The following CDH23 variants were observed in gnomAD, a reference collection of about 807,000 sequenced individuals.
CDH23 encodes cadherin related 23.
CDH23 carries 189 observed loss-of-function variants against 317.1 expected under a neutral mutation model. The observed-to-expected ratio is 0.60, with a 90% confidence interval of 0.53 to 0.67. CDH23 has a LOEUF of 0.67. Among genes scored for constraint, CDH23 ranks in the 30% least tolerant of loss-of-function variants. The pLI is 0.00. For missense variants in CDH23, 4,401 were observed against 4,592.4 expected, an observed-to-expected ratio of 0.96 and a Z score of 1.20; for synonymous variants, 1,839 against 1,876.8, an observed-to-expected ratio of 0.98 and a Z score of 0.52.
intron 38 of CDH23, among the ~76,000 whole-genome samples, chr10:71,770,775 G>A (rs557735928): frequency 6.6e-6 from 1 of 152,324 alleles, no homozygotes; most frequent in South Asian, 2.1e-4. Flanking sequence ...CTCCCAGGAA[G>A]GTCAGACCCC....
chr10:71,716,478 G>A (rs111295771), intron 28 of CDH23: 22 of 660,180 alleles, frequency 3.3e-5, no homozygotes, highest in African/African-American at 3.0e-4. Flanking sequence ...CCACATCACA[G>A]GTTAAGACAG....
Position 71,652,176 on chromosome 10 carries a change from C to G in CDH23, c.1449+5559C>G, listed in dbSNP as rs974185368. 3.3e-5 allele frequency among the ~76,000 whole-genome samples: 5 copies of G among 152,304 alleles called. No individual in the cohort carries two copies. The East Asian group carries it at 5.8e-4, about 18-fold the overall frequency. On this transcript the variant is annotated intron_variant, in intron 14 of 69. Transcript: ENST00000224721. The stretch of plus-strand genomic sequence containing the variant: ...CTGAGCCGTGGGTAGAGCTCCACCT[C>G]TCAGCTCCAGACAGACAGGGCTGGC...
At position 71,482,371 on chromosome 10, in the gene CDH23, AC is replaced by A. The variant is rs567215564; in HGVS notation, c.146-27707del. Among the ~76,000 whole-genome samples the A allele has an allele frequency of 3.1e-3, 472 of 152,020 alleles. 4 individuals carry two copies. The highest frequency in any genetic ancestry group is 0.011 in the African/African-American group (444 of 41,432). ...AGGTCCCAGAATCCCTTGCAGGTCTACCCCTCCCCACCTACCTGGACCCCTG... is the reference window on the plus strand; with the variant it reads ...AGGTCCCAGAATCCCTTGCAGGTCTACCCTCCCCACCTACCTGGACCCCTG... On this transcript the variant is annotated intron_variant, in intron 3 of 69. Transcript: ENST00000224721.
intron 9 of CDH23, among the ~76,000 whole-genome samples, chr10:71,611,234 G>GAGGC (rs1286355436): frequency 6.6e-6 from 1 of 152,200 alleles, no homozygotes; most frequent in African/African-American, 2.4e-5. Flanking sequence ...TGAAGGGAGC[G>GAGGC]AGGCAGGGAT....
At position 71,694,258 on chromosome 10, in the gene CDH23, C is replaced by A; in HGVS notation, c.2288C>A (p.Thr763Asn). ...CACAACCAGAAAACTGGCATCGCCA[C>A]CGTGAGTGCGCTCCCCTCCCGTGCC... is the stretch of plus-strand genomic sequence containing the variant. ...VGHNQKTGIA[T>N]VNITLLDIND... Residue 763 changes from threonine to asparagine, a missense_variant and splice_region_variant, in exon 21 of 70, where the codon ACC (threonine) becomes AAC (asparagine). Coordinates refer to ENST00000224721, the MANE Select transcript of CDH23 (RefSeq NM_022124.6). 1 of 1,609,790 alleles carries A rather than the reference C, an allele frequency of 6.2e-7. No individual in the cohort carries two copies. Among genetic ancestry groups the A allele is most frequent in the South Asian group, 1.1e-5 (1 of 90,910 alleles).
At position 71,646,503 on chromosome 10, in the gene CDH23, G is replaced by A. The variant is rs917558716; in HGVS notation, c.1335G>A (p.Lys445=). 1 of 1,613,982 alleles carries A rather than the reference G, an allele frequency of 6.2e-7. No homozygotes were observed. ...ESVPDHVGYA[K]VKITLINEND... ...TGCCTGACCATGTGGGCTATGCCAA[G>A]GTGAAGATCACTCTCATCAATGAAA... The change falls in exon 14 of 70, where the codon AAG becomes AAA. Residue 445 remains lysine, a synonymous_variant. Coordinates refer to ENST00000224721, the MANE Select transcript of CDH23 (RefSeq NM_022124.6).
At chr10:71,772,919 A>G (rs756751407) in intron 38 of CDH23, among the ~76,000 whole-genome samples, 52 of 152,202 alleles carry the variant, frequency 3.4e-4, no homozygotes, top group Admixed American at 8.5e-4. Context: ...TGAGCATACC[A>G]CGCCCTCTGT....
chr10:71,424,584 G>A (rs1848968281), intron 1 of CDH23, among the ~76,000 whole-genome samples: 1 of 152,234 alleles, frequency 6.6e-6, no homozygotes. Context: ...CCTGGCAGCT[G>A]GCTGGTGGGG....
chr10:71,629,413 G>T (rs887431303), intron 11 of CDH23, among the ~76,000 whole-genome samples: 3 of 152,304 alleles, frequency 2.0e-5, no homozygotes, highest in Admixed American at 6.5e-5. Context: ...AGAGGGAAGG[G>T]CAGGTGCAGT....
At position 71,796,192 on chromosome 10, in the gene CDH23, C is replaced by G. The variant is rs1215242899; in HGVS notation, c.6713-912C>G. 6 of 726,828 alleles carry G rather than the reference C, an allele frequency of 8.3e-6. No homozygotes were observed. The African/African-American group carries it at 1.1e-4, about 14-fold the overall frequency. 45.0% of individuals were successfully genotyped at this position (726,828 alleles called of 1,614,324 possible). ...CCTGTACCTGAGAGGGAGAGGAGGT[C>G]TCACTCTGGGATGAAGCCAATGGGA... is the stretch of plus-strand genomic sequence containing the variant. On this transcript the variant is annotated intron_variant, in intron 48 of 69. Transcript: ENST00000224721.
intron 6 of CDH23, among the ~76,000 whole-genome samples, chr10:71,564,249 T>C (rs994251250): frequency 6.6e-6 from 1 of 152,166 alleles, no homozygotes; most frequent in African/African-American, 2.4e-5. Context: ...CAGCTGGGTG[T>C]TCAGACAAGC....
At chr10:71,569,103 A>C (rs1009529560) in intron 7 of CDH23, among the ~76,000 whole-genome samples, 3 of 152,108 alleles carry the variant, frequency 2.0e-5, no homozygotes, top group African/African-American at 7.2e-5. Flanking sequence ...AGCTCTCCCC[A>C]TGGGCAGTGC....
At chr10:71,666,478 T>C (rs192525382) in intron 14 of CDH23, among the ~76,000 whole-genome samples, 43 of 152,044 alleles carry the variant, frequency 2.8e-4, no homozygotes, top group African/African-American at 1.0e-3. Flanking sequence ...GAGAGCAGCT[T>C]CCCACCACAC....
At position 71,723,933 on chromosome 10, in the gene CDH23, G is replaced by A. The variant is rs1038539014; in HGVS notation, c.3370-112G>A. 2.4e-6 allele frequency: 3 copies of A among 1,235,560 alleles called. No homozygotes were observed. In the African/African-American group the frequency reaches 4.5e-5, roughly 19 times the overall value. 76.5% of individuals were successfully genotyped at this position (1,235,560 alleles called of 1,614,324 possible). ...CCCCAGCCTCTGAGGGAGACCACAG[G>A]TTTTGGCAGGATGGGGTAGGATGCG... On this transcript the variant is annotated intron_variant, in intron 28 of 69. Coordinates refer to ENST00000224721, the MANE Select transcript of CDH23 (RefSeq NM_022124.6).
At position 71,690,465 on chromosome 10, in the gene CDH23, A is replaced by G. The variant is rs757723615; in HGVS notation, c.2060-3A>G. ...CCCTGCCCCCACCTTTTTCCCCCTG[A>G]AGGAGCCACGGTGCTGTTCCTGAAT... On this transcript the variant is annotated splice_region_variant and splice_polypyrimidine_tract_variant and intron_variant, in intron 19 of 69. Transcript: ENST00000224721. 2 of 1,592,698 alleles carry G rather than the reference A, an allele frequency of 1.3e-6. No individual in the cohort carries two copies. Among genetic ancestry groups the G allele is most frequent in the East Asian group, 4.6e-5 (2 of 43,950 alleles).
chr10:71,615,731 G>A (rs1042239741), intron 10 of CDH23, 115 bp downstream of exon 10: 28 of 713,210 alleles, frequency 3.9e-5, no homozygotes, highest in Non-Finnish European at 6.3e-5. Context: ...GAAGCACTTC[G>A]CTTCCGTGCT....
At chr10:71,763,664 A>G (rs947917256) in intron 38 of CDH23, among the ~76,000 whole-genome samples, 2 of 152,240 alleles carry the variant, frequency 1.3e-5, no homozygotes, top group Admixed American at 6.5e-5. Flanking sequence ...TTTTTCCCAG[A>G]AATGAAAACA....
intron 6 of CDH23, among the ~76,000 whole-genome samples, chr10:71,537,810 C>T (rs371286951): frequency 3.2e-4 from 48 of 152,198 alleles, no homozygotes; most frequent in Admixed American, 6.5e-4. Flanking sequence ...CACTTCGTTT[C>T]CCTCTCCTGA....
chr10:71,614,694 G>A (rs1163531383), intron 9 of CDH23, among the ~76,000 whole-genome samples: 3 of 152,244 alleles, frequency 2.0e-5, no homozygotes, highest in Admixed American at 2.0e-4. Flanking sequence ...AGGAGGAGAA[G>A]AGGCTGGCAC....
Sources: gnomAD v4.1 joint callset for allele counts (sites outside exome capture counted in the v4.1 genomes callset) on GRCh38, gnomAD v4.1.1 for gene constraint, MANE v1.5 for transcripts, NCBI Gene and HGNC (gene_info 2026-07-23, HGNC 2026-07-21) for gene names.